The following NRXN1 variants were observed in gnomAD, a reference collection of about 807,000 sequenced individuals.
The protein encoded by NRXN1 is neurexin-1.
Under a neutral mutation model 150.9 loss-of-function variants are expected in NRXN1, and 39 were observed. That is an observed-to-expected ratio of 0.26 (90% confidence interval 0.20 to 0.34). The LOEUF is 0.34. Among genes scored for constraint, NRXN1 ranks in the 10% least tolerant of loss-of-function variants. NRXN1 has a pLI of 1.00. For missense variants in NRXN1, 1,815 were observed against 1,949.9 expected (o/e 0.93, Z 1.30); for synonymous variants, 924 against 757.0 (o/e 1.22, Z -3.62).
intron 21 of NRXN1, among the ~76,000 whole-genome samples, chr2:49,960,155 G>T (rs1315993493): frequency 6.6e-6 from 1 of 152,112 alleles, no homozygotes; most frequent in East Asian, 1.9e-4. Flanking sequence ...CCATGGCAAT[G>T]GTTTGCAAGA....
At chr2:49,961,159 T>C (rs1214687470) in intron 21 of NRXN1, among the ~76,000 whole-genome samples, 1 of 152,030 alleles carries the variant, frequency 6.6e-6, no homozygotes, top group Non-Finnish European at 1.5e-5. Flanking sequence ...CAGAATGCCC[T>C]ACATAAAAAC....
At chr2:50,177,780 T>TAA (rs2060443847) in intron 18 of NRXN1, among the ~76,000 whole-genome samples, 2 of 51,954 alleles carry the variant, frequency 3.8e-5, no homozygotes, top group South Asian at 6.7e-4. Flanking sequence ...ACTAACTCTC[T>TAA]CTCTCTCTCT....
intron 8 of NRXN1, among the ~76,000 whole-genome samples, chr2:50,614,701 T>C (rs1221609691): frequency 4.4e-5 from 4 of 90,252 alleles, no homozygotes; most frequent in African/African-American, 1.7e-4. Flanking sequence ...GAAGTAGAAG[T>C]AGATTAACCT....
intron 5 of NRXN1, among the ~76,000 whole-genome samples, chr2:50,646,860 C>T (rs551744929): frequency 6.6e-6 from 1 of 151,860 alleles, no homozygotes; most frequent in Non-Finnish European, 1.5e-5. Context: ...CTCTTGATTG[C>T]ATCTGAGTCC....
intron 17 of NRXN1, among the ~76,000 whole-genome samples, chr2:50,363,573 T>C (rs1228189804): frequency 1.3e-5 from 2 of 152,112 alleles, no homozygotes; most frequent in African/African-American, 2.4e-5. Flanking sequence ...ATGGTGATCA[T>C]TAAAAAGTCA....
At chr2:50,997,211 T>C (rs1699431717) in intron 2 of NRXN1, among the ~76,000 whole-genome samples, 1 of 151,708 alleles carries the variant, frequency 6.6e-6, no homozygotes, top group African/African-American at 2.4e-5. Context: ...GAAGTATTGC[T>C]CCACTTGAGC....
chr2:50,292,478 C>G (rs1034627830), intron 17 of NRXN1, among the ~76,000 whole-genome samples: 1 of 152,144 alleles, frequency 6.6e-6, no homozygotes, highest in Admixed American at 6.6e-5. Context: ...TAAAGGAAGA[C>G]TCCATGTCAG....
At chr2:50,505,673 A>G (rs2092185515) in intron 13 of NRXN1, among the ~76,000 whole-genome samples, 2 of 152,156 alleles carry the variant, frequency 1.3e-5, no homozygotes, top group Admixed American at 6.5e-5. Context: ...CAAAAGTTTA[A>G]AATCCTGTAG....
intron 15 of NRXN1, among the ~76,000 whole-genome samples, chr2:50,482,616 G>T (rs528384476): frequency 6.6e-6 from 1 of 152,076 alleles, no homozygotes; most frequent in East Asian, 1.9e-4. Context: ...AGTTTGAAAG[G>T]TGCTTTTTTC....
At chr2:50,780,263 T>C (rs1047555682) in intron 5 of NRXN1, among the ~76,000 whole-genome samples, 4 of 152,220 alleles carry the variant, frequency 2.6e-5, no homozygotes, top group Non-Finnish European at 4.4e-5. Context: ...GTCAGATGGA[T>C]AGACGGCAAA....
intron 17 of NRXN1, among the ~76,000 whole-genome samples, chr2:50,247,671 CAG>C (rs2066635860): frequency 6.6e-6 from 1 of 152,016 alleles, no homozygotes; most frequent in Non-Finnish European, 1.5e-5. Context: ...GGGCAGGAAA[CAG>C]AGAAAGACTA....
intron 10 of NRXN1, among the ~76,000 whole-genome samples, chr2:50,535,065 G>C (rs1558896560): frequency 6.6e-6 from 1 of 152,170 alleles, no homozygotes. Flanking sequence ...AATGACAAAT[G>C]AAAGCCTAAA....
At chr2:50,585,812 C>G (rs562740350) in intron 8 of NRXN1, among the ~76,000 whole-genome samples, 39 of 152,216 alleles carry the variant, frequency 2.6e-4, no homozygotes, top group African/African-American at 9.2e-4. Flanking sequence ...ATTCATATTG[C>G]CAACTTCAGT....
intron 17 of NRXN1, among the ~76,000 whole-genome samples, chr2:50,286,923 CT>C (rs1647817501): frequency 6.6e-6 from 1 of 152,030 alleles, no homozygotes; most frequent in African/African-American, 2.4e-5. Flanking sequence ...GCTTCTTCCT[CT>C]TCTTCCTGTT....
At chr2:50,516,603 C>T (rs1038786026) in intron 12 of NRXN1, among the ~76,000 whole-genome samples, 5 of 152,078 alleles carry the variant, frequency 3.3e-5, no homozygotes, top group Non-Finnish European at 5.9e-5. Context: ...TGGTGATACA[C>T]CAATAACCCT....
chr2:50,158,407 C>T (rs1184343163), intron 18 of NRXN1, among the ~76,000 whole-genome samples: 1 of 151,620 alleles, frequency 6.6e-6, no homozygotes, highest in African/African-American at 2.4e-5. Context: ...TTCTTACAAG[C>T]ATTTACTTCA....
rs77161717 is a variant in NRXN1 at position 49,999,423 on chromosome 2, A to G, written c.4128+53848T>C. 1.7e-3 allele frequency among the ~76,000 whole-genome samples: 258 copies of G among 152,286 alleles called. 6 individuals carry two copies. In the East Asian group the frequency reaches 0.046, roughly 27 times the overall value. ...TATATTTATAACTTATTATTTAGAT[A>G]TAAGTCAAGTACTGAACATGAAGAG... On this transcript the variant is annotated intron_variant, in intron 21 of 22. Coordinates refer to ENST00000401669, the MANE Select transcript of NRXN1 (RefSeq NM_001330078.2).
intron 17 of NRXN1, among the ~76,000 whole-genome samples, chr2:50,388,729 T>C (rs1246268615): frequency 6.6e-6 from 1 of 152,148 alleles, no homozygotes; most frequent in African/African-American, 2.4e-5. Flanking sequence ...CTGGGAATGA[T>C]AGGGCATTCT....
chr2:50,759,826 C>CTGTGTGTGTGTGTG (rs72209781), intron 5 of NRXN1, among the ~76,000 whole-genome samples: 7 of 142,312 alleles, frequency 4.9e-5, no homozygotes, highest in African/African-American at 1.0e-4. Context: ...TCTAACTAAG[C>CTGTGTGTGTGTGTG]TGTGTGTGTG....
Sources: allele counts gnomAD v4.1 joint callset (sites outside exome capture counted in the v4.1 genomes callset), GRCh38; gene constraint gnomAD v4.1.1; transcripts MANE v1.5; gene names NCBI Gene and HGNC (gene_info 2026-07-23, HGNC 2026-07-21).